Variants in ARHGAP28 observed in about 807,000 individuals in gnomAD.
ARHGAP28 encodes Rho GTPase activating protein 28.
ARHGAP28 carries 56 observed loss-of-function variants against 90.7 expected under a neutral mutation model. The ratio of observed to expected loss-of-function variants is 0.62; its 90% CI spans 0.50 to 0.77. The LOEUF (loss-of-function observed/expected upper bound fraction) is 0.77, where lower values mean the gene tolerates loss of function less well. Ranked by LOEUF, ARHGAP28 falls within the 30% of genes least tolerant of loss-of-function variation. The probability of loss-of-function intolerance (pLI) is 0.00; values close to 1 mark genes in which losing one functional copy is unlikely to be tolerated. For synonymous variants in ARHGAP28, 308 were observed against 323.3 expected (o/e 0.95, Z 0.51); for missense variants, 869 against 900.9 (o/e 0.96, Z 0.45).
rs181010290 is a variant in ARHGAP28, at chr18:6,886,423, C to T, written c.1454-734C>T. Among the ~76,000 whole-genome samples the T allele has an allele frequency of 1.8e-4, 28 of 152,302 alleles. No individual in the cohort carries two copies. In the East Asian group the frequency reaches 5.4e-3, roughly 29 times the overall value. ...ATCCCTGAGTATAAATGCCAACCCTCTGGCGCCATCTTGTGTCATTACTGA... is the reference window on the plus strand; with the variant it reads ...ATCCCTGAGTATAAATGCCAACCCTTTGGCGCCATCTTGTGTCATTACTGA... On this transcript the variant is annotated intron_variant, in intron 11 of 17. Transcript: ENST00000383472.
rs74568486 is a variant in ARHGAP28 at position 6,805,392 on chromosome 18, C to T, written c.123-19370C>T. The stretch of plus-strand genomic sequence containing the variant: ...TTTCATTTGATTTGTTTTAGCATGG[C>T]ATGGTTTTTTTATCCTTTAATTGTA... On this transcript the variant is annotated intron_variant, in intron 1 of 17. Coordinates refer to ENST00000383472, the MANE Select transcript of ARHGAP28 (RefSeq NM_001366230.1). Among the ~76,000 whole-genome samples, 85 of 151,608 alleles carry T rather than the reference C, an allele frequency of 5.6e-4. No homozygotes were observed. In the East Asian group the frequency reaches 0.015, roughly 26 times the overall value.
At chr18:6,747,033 A>G (rs1015099955) in intron 1 of ARHGAP28, among the ~76,000 whole-genome samples, 3 of 151,794 alleles carry the variant, frequency 2.0e-5, no homozygotes, top group Non-Finnish European at 4.4e-5. Context: ...AGAGACCTCT[A>G]GATTCTCTGA....
chr18:6,798,855 A>C (rs1317958882), intron 1 of ARHGAP28, among the ~76,000 whole-genome samples: 1 of 152,222 alleles, frequency 6.6e-6, no homozygotes, highest in South Asian at 2.1e-4. Flanking sequence ...TTCCATATAT[A>C]CTTACAATTC....
At chr18:6,903,777 C>T (rs532122327) in intron 16 of ARHGAP28, among the ~76,000 whole-genome samples, 28 of 133,074 alleles carry the variant, frequency 2.1e-4, no homozygotes, top group South Asian at 1.2e-3. Context: ...TGCAGTGAGC[C>T]GAGATCACGC....
At chr18:6,756,058 A>G (rs147548089) in intron 1 of ARHGAP28, among the ~76,000 whole-genome samples, 15 of 152,306 alleles carry the variant, frequency 9.8e-5, no homozygotes, top group Non-Finnish European at 1.6e-4. Context: ...TGGCTCTTCT[A>G]CTGACTGTGG....
intron 1 of ARHGAP28, among the ~76,000 whole-genome samples, chr18:6,794,210 T>C (rs2143576537): frequency 6.6e-6 from 1 of 152,346 alleles, no homozygotes; most frequent in African/African-American, 2.4e-5. Context: ...CTTTTGATCC[T>C]CCCCACAAAT....
At chr18:6,881,445 T>A (rs1435981806) in intron 10 of ARHGAP28, among the ~76,000 whole-genome samples, 2 of 152,152 alleles carry the variant, frequency 1.3e-5, no homozygotes, top group African/African-American at 4.8e-5. Context: ...GAAGCCTGAG[T>A]GGCATTGATA....
intron 1 of ARHGAP28, among the ~76,000 whole-genome samples, chr18:6,780,153 G>C (rs75256672): frequency 1.3e-5 from 2 of 152,296 alleles, no homozygotes; most frequent in South Asian, 2.1e-4. Flanking sequence ...CCCAGAATCA[G>C]CTGGTCATAT....
chr18:6,770,311 A>G (rs2143400344), intron 1 of ARHGAP28, among the ~76,000 whole-genome samples: 1 of 152,294 alleles, frequency 6.6e-6, no homozygotes, highest in African/African-American at 2.4e-5. Flanking sequence ...CAGTAACTTG[A>G]AGTTATCCTT....
chr18:6,911,444 TC>T (rs1396540196), intron 17 of ARHGAP28, among the ~76,000 whole-genome samples: 2 of 98,278 alleles, frequency 2.0e-5, no homozygotes, highest in African/African-American at 7.7e-5. Context: ...TCTTTTCTTT[TC>T]TTTTCTTTGA....
At chr18:6,878,091 C>T (rs912191686) in intron 10 of ARHGAP28, among the ~76,000 whole-genome samples, 15 of 151,988 alleles carry the variant, frequency 9.9e-5, no homozygotes, top group Non-Finnish European at 1.6e-4. Flanking sequence ...GAAAACATTA[C>T]AGAGCATTGT....
intron 2 of ARHGAP28, among the ~76,000 whole-genome samples, chr18:6,826,783 G>T (rs1447699569): frequency 2.0e-5 from 3 of 148,516 alleles, no homozygotes. Context: ...AAGGTCAGCA[G>T]ATAAACAAGT....
At chr18:6,842,193 A>G (rs920825077) in intron 3 of ARHGAP28, among the ~76,000 whole-genome samples, 1 of 152,032 alleles carries the variant, frequency 6.6e-6, no homozygotes, top group African/African-American at 2.4e-5. Context: ...TACAAAAAAA[A>G]TTTTTTTAAA....
In ARHGAP28 at chr18:6,863,786, A is replaced by ATT. The variant is rs397962617; in HGVS notation, c.726+3903_726+3904dup. Among the ~76,000 whole-genome samples, 523 of 143,724 alleles carry ATT rather than the reference A, an allele frequency of 3.6e-3. 11 individuals carry two copies. The East Asian group carries it at 0.049, about 13-fold the overall frequency. The allele number at this position is 143,724 out of a possible 152,430, so 94.3% of individuals were successfully genotyped here. A position where few individuals can be genotyped will look rare whatever the true frequency, so the allele number is the denominator to read the frequency against. On this transcript the variant is annotated intron_variant, in intron 5 of 17. Coordinates refer to ENST00000383472, the MANE Select transcript of ARHGAP28 (RefSeq NM_001366230.1). ...CATTGTAGGCATAAAGCTTTGTTTA[A>ATT]TTTTTTTTTTTTTTTGACGGAGTTT...
At chr18:6,757,299 A>G (rs2056119218) in intron 1 of ARHGAP28, among the ~76,000 whole-genome samples, 1 of 152,204 alleles carries the variant, frequency 6.6e-6, no homozygotes, top group Non-Finnish European at 1.5e-5. Context: ...TCGCAGAGAT[A>G]TGTAGGAAAA....
In ARHGAP28 at chr18:6,851,071, A is replaced by G. The variant is rs773711578; in HGVS notation, c.581A>G (p.Asp194Gly). The G allele has an allele frequency of 6.2e-7, 1 of 1,614,144 alleles. No homozygotes were observed. The highest frequency in any genetic ancestry group is 8.5e-7 in the Non-Finnish European group (1 of 1,180,008). ...TGTGGCAACCACACTAATCAGCTGGATGGCACCAAGGAAGAAAGAGAGCTT... is the reference window on the plus strand; with the variant it reads ...TGTGGCAACCACACTAATCAGCTGGGTGGCACCAAGGAAGAAAGAGAGCTT... Reference protein sequence around the residue: ...DTCGNHTNQLDGTKEERELPR... With the variant: ...DTCGNHTNQLGGTKEERELPR... Residue 194 changes from aspartate (D) to glycine (G), a missense_variant, in exon 4 of 18, where the codon GAT becomes GGT. Transcript: ENST00000383472.
At position 6,859,865 on chromosome 18, in the gene ARHGAP28, G is replaced by A; in HGVS notation, c.694G>A (p.Gly232Arg). Reference protein sequence around the residue: ...TLSDASQDKEGSFAVPRSDSV... With the variant: ...TLSDASQDKERSFAVPRSDSV... Reference sequence around the variant, plus strand: ...GTCTGACGCATCCCAGGATAAAGAAGGGAGTTTTGCGGTTCCCAGGAGTGA... The same window carrying A: ...GTCTGACGCATCCCAGGATAAAGAAAGGAGTTTTGCGGTTCCCAGGAGTGA... The change falls in exon 5 of 18, where the codon GGG (glycine) becomes AGG (arginine). Residue 232 changes from glycine to arginine, a missense_variant. Coordinates refer to ENST00000383472, the MANE Select transcript of ARHGAP28 (RefSeq NM_001366230.1). 6.2e-7 allele frequency: 1 copy of A among 1,614,228 alleles called. No individual in the cohort carries two copies. Among genetic ancestry groups the A allele is most frequent in the Non-Finnish European group, 8.5e-7 (1 of 1,180,044 alleles).
intron 1 of ARHGAP28, among the ~76,000 whole-genome samples, chr18:6,749,296 A>G (rs532374998): frequency 6.6e-6 from 1 of 152,320 alleles, no homozygotes; most frequent in East Asian, 1.9e-4. Context: ...GAAATGTAAA[A>G]GCCAGATATT....
intron 1 of ARHGAP28, among the ~76,000 whole-genome samples, chr18:6,801,936 G>A (rs930140886): frequency 6.6e-6 from 1 of 151,888 alleles, no homozygotes; most frequent in Non-Finnish European, 1.5e-5. Context: ...TCAGCCTCTG[G>A]TAACTACCAG....
Sources: gnomAD v4.1 joint callset for allele counts (sites outside exome capture counted in the v4.1 genomes callset) on GRCh38, gnomAD v4.1.1 for gene constraint, MANE v1.5 for transcripts, NCBI Gene and HGNC (gene_info 2026-07-23, HGNC 2026-07-21) for gene names.